Variants in SOCS7 observed in about 807,000 individuals in gnomAD.
SOCS7 encodes the protein suppressor of cytokine signaling 7.
In SOCS7, 18 loss-of-function variants were observed where a neutral mutation model predicts 58.9. That is an observed-to-expected ratio of 0.31 (90% CI 0.21 to 0.45). The LOEUF (loss-of-function observed/expected upper bound fraction) is 0.45, where lower values mean the gene tolerates loss of function less well. Among genes scored for constraint, SOCS7 ranks in the 20% least tolerant of loss-of-function variants. The probability of loss-of-function intolerance (pLI) is 1.00; values close to 1 mark genes in which losing one functional copy is unlikely to be tolerated. For missense variants in SOCS7, 667 were observed against 837.3 expected (o/e 0.80, Z 2.51); for synonymous variants, 388 against 364.3 (o/e 1.06, Z -0.74).
chr17:38,353,475 CAGG>C (rs994979619), intron 1 of SOCS7, among the ~76,000 whole-genome samples: 19 of 152,226 alleles, frequency 1.2e-4, no homozygotes, highest in African/African-American at 4.1e-4. Context: ...ATGCAAATGA[CAGG>C]AGAATCTTCA....
intron 7 of SOCS7, among the ~76,000 whole-genome samples, chr17:38,394,008 T>C (rs2038211621): frequency 6.6e-6 from 1 of 152,260 alleles, no homozygotes; most frequent in Admixed American, 6.5e-5. Context: ...GATATGACAA[T>C]GGCTGAGAAT....
chr17:38,362,192 A>G (rs981971005), intron 2 of SOCS7, among the ~76,000 whole-genome samples: 5 of 152,320 alleles, frequency 3.3e-5, no homozygotes, highest in Non-Finnish European at 2.9e-5. Context: ...TATCTGGTCT[A>G]TTTTTAAAGA....
chr17:38,381,421 C>T (rs900674466), intron 7 of SOCS7, among the ~76,000 whole-genome samples: 1 of 152,268 alleles, frequency 6.6e-6, no homozygotes, highest in South Asian at 2.1e-4. Flanking sequence ...GGGATTTTAA[C>T]TTGATCGATT....
chr17:38,398,915 A>G (rs1321801110), intron 9 of SOCS7, among the ~76,000 whole-genome samples: 1 of 151,722 alleles, frequency 6.6e-6, no homozygotes, highest in Non-Finnish European at 1.5e-5. Context: ...ACATGGTGAA[A>G]CCCTGTCTCT....
At chr17:38,379,918 A>G (rs990149179) in intron 7 of SOCS7, among the ~76,000 whole-genome samples, 1 of 152,226 alleles carries the variant, frequency 6.6e-6, no homozygotes, top group Non-Finnish European at 1.5e-5. Flanking sequence ...CCTTCAGAGA[A>G]GTCATAGTCT....
chr17:38,372,763 G>A (rs2037883856), intron 6 of SOCS7, among the ~76,000 whole-genome samples: 1 of 152,104 alleles, frequency 6.6e-6, no homozygotes, highest in Non-Finnish European at 1.5e-5. Flanking sequence ...CCACAGCTGT[G>A]GTTGTTCACC....
At chr17:38,367,115 A>G (rs2037800066) in intron 5 of SOCS7, among the ~76,000 whole-genome samples, 1 of 152,078 alleles carries the variant, frequency 6.6e-6, no homozygotes. Flanking sequence ...CCCAGGCTGG[A>G]GTGCAGTGGC....
chr17:38,393,597 A>G (rs556329748), intron 7 of SOCS7, among the ~76,000 whole-genome samples: 82 of 152,212 alleles, frequency 5.4e-4, no homozygotes, highest in South Asian at 6.2e-4. Flanking sequence ...AAATCGCGCC[A>G]CTGCACTCCA....
In SOCS7 at chr17:38,367,986, C is replaced by T. The variant is rs2037813940; in HGVS notation, c.1488C>T (p.Tyr496=). ...TACGAGACAGTTCTGATCCTCGTTA[C>T]ATCCTGAGCCTCAGTTTCCGATCAC... The part of the protein sequence containing the change: ...FLVRDSSDPR[Y]ILSLSFRSQG... The change falls in exon 6 of 10, where the codon TAC becomes TAT. Residue 496 remains tyrosine, a synonymous_variant. Transcript: ENST00000612932. 1.2e-6 allele frequency: 2 copies of T among 1,614,174 alleles called. No individual in the cohort carries two copies. The highest frequency in any genetic ancestry group is 1.7e-6 in the Non-Finnish European group (2 of 1,180,014).
In SOCS7 at chr17:38,389,896, T is replaced by TGTAC. The variant is rs1555571089; in HGVS notation, c.1682-5413_1682-5412insGTAC. ...ATATATATATATGTACATATATATA[T>TGTAC]ATACACATATAGAGAGAGAGAGAGA... On this transcript the variant is annotated intron_variant, in intron 7 of 9. Coordinates refer to ENST00000612932, the MANE Select transcript of SOCS7 (RefSeq NM_014598.4). Among the ~76,000 whole-genome samples, 9 of 84,630 alleles carry TGTAC rather than the reference T, an allele frequency of 1.1e-4. 1 individual carries two copies. Among genetic ancestry groups the TGTAC allele is most frequent in the African/African-American group, 7.2e-4 (9 of 12,430 alleles). The allele number at this position is 84,630 out of a possible 152,430, so 55.5% of individuals were successfully genotyped here. A position where few individuals can be genotyped will look rare whatever the true frequency, so the allele number is the denominator to read the frequency against.
At chr17:38,359,406 G>A (rs1205983655) in intron 1 of SOCS7, among the ~76,000 whole-genome samples, 1 of 152,164 alleles carries the variant, frequency 6.6e-6, no homozygotes, top group East Asian at 1.9e-4. Context: ...AGCTAGGTCA[G>A]GAGAAAGACG....
chr17:38,387,648 C>G (rs2038096468), intron 7 of SOCS7, among the ~76,000 whole-genome samples: 26 of 134,234 alleles, frequency 1.9e-4, no homozygotes, highest in African/African-American at 6.9e-4. Context: ...ATTATATACA[C>G]TATATATTGT....
chr17:38,388,364 C>T (rs1385510341), intron 7 of SOCS7, among the ~76,000 whole-genome samples: 1 of 147,358 alleles, frequency 6.8e-6, no homozygotes, highest in Non-Finnish European at 1.5e-5. Flanking sequence ...AAAAAAAATA[C>T]AAAAATTAGC....
At chr17:38,377,915 C>G in intron 7 of SOCS7, 73 bp downstream of exon 7, 2 of 1,452,788 alleles carry the variant, frequency 1.4e-6, no homozygotes, top group South Asian at 2.5e-5. Context: ...AAACACCATC[C>G]CCACAAAAGG....
At chr17:38,386,192 C>T (rs1354512677) in intron 7 of SOCS7, among the ~76,000 whole-genome samples, 1 of 151,594 alleles carries the variant, frequency 6.6e-6, no homozygotes, top group African/African-American at 2.4e-5. Flanking sequence ...GGCATGGTGG[C>T]CCAGACCTGT....
rs2037561755 is a variant in SOCS7, at chr17:38,352,172, C to A, written c.120C>A (p.Pro40=). 6 of 1,266,922 alleles carry A rather than the reference C, an allele frequency of 4.7e-6. No homozygotes were observed. The highest frequency in any genetic ancestry group is 8.6e-5 in the Admixed American group (2 of 23,346). 78.5% of individuals were successfully genotyped at this position (1,266,922 alleles called of 1,614,324 possible). Residue 40 remains proline, a synonymous_variant, in exon 1 of 10, where the codon CCC becomes CCA. Coordinates refer to ENST00000612932, the MANE Select transcript of SOCS7 (RefSeq NM_014598.4). The surrounding 1 kb of genome is among the most constrained non-coding windows in gnomAD (Gnocchi z 5.5). ...CCGAGCCAGGCCCTCCGCCACCGCC[C>A]CCGGGCCATGGCCCCCCGCCGCCAC... The part of the protein sequence containing the change: ...AAPEPGPPPP[P]PGHGPPPPPF...
Position 38,352,079 on chromosome 17 carries a change from C to T in SOCS7, c.27C>T (p.Gly9=). ...TGCAGGAGGCCGAGCTCCGGGATGG[C>T]GAGGCGGCGGCGGCGGCCGCTTCGT... is the stretch of plus-strand genomic sequence containing the variant. The part of the protein sequence containing the change: MQEAELRD[G]EAAAAAASYR... The change falls in exon 1 of 10, where the codon GGC becomes GGT. Residue 9 remains glycine, a synonymous_variant. Transcript: ENST00000612932. This position sits in a 1 kb window ranked among gnomAD's most constrained non-coding sequence, Gnocchi z 5.5. 2.6e-6 allele frequency: 1 copy of T among 390,018 alleles called. No homozygotes were observed. The highest frequency in any genetic ancestry group is 3.9e-6 in the Non-Finnish European group (1 of 255,368). 24.2% of individuals were successfully genotyped at this position (390,018 alleles called of 1,614,324 possible).
In SOCS7 at chr17:38,402,005, C is replaced by G. The variant is rs939410693; in HGVS notation, c.*2523C>G. 9 of 152,238 alleles carry G rather than the reference C, an allele frequency of 5.9e-5. No homozygotes were observed. Among genetic ancestry groups the G allele is most frequent in the Non-Finnish European group, 7.3e-5 (5 of 68,082 alleles). 9.4% of individuals were successfully genotyped at this position (152,238 alleles called of 1,614,324 possible). On this transcript the variant is annotated 3_prime_UTR_variant, in exon 10 of 10. Coordinates refer to ENST00000612932, the MANE Select transcript of SOCS7 (RefSeq NM_014598.4). ...TGAGGGAGGCAGAGCCTCTGCACCCCCTGTGTTACTGGGGTTTCTTCTGGA... is the reference window on the plus strand; with the variant it reads ...TGAGGGAGGCAGAGCCTCTGCACCCGCTGTGTTACTGGGGTTTCTTCTGGA...
chr17:38,385,811 G>A (rs1256149567), intron 7 of SOCS7, among the ~76,000 whole-genome samples: 1 of 151,934 alleles, frequency 6.6e-6, no homozygotes, highest in Non-Finnish European at 1.5e-5. Context: ...TACTAATTAC[G>A]TACTCTTGTT....
Sources: allele counts gnomAD v4.1 joint callset (sites outside exome capture counted in the v4.1 genomes callset), GRCh38; gene constraint gnomAD v4.1.1; non-coding constraint Gnocchi (gnomAD v3.1); transcripts MANE v1.5; gene names NCBI Gene and HGNC (gene_info 2026-07-23, HGNC 2026-07-21).